The following PXDNL variants were observed in gnomAD, a reference collection of about 807,000 sequenced individuals.
PXDNL encodes peroxidasin like, also known as probable oxidoreductase PXDNL.
A neutral mutation model predicts 150.8 loss-of-function variants in PXDNL; 145 were observed. The observed-to-expected ratio is 0.96, with a 90% confidence interval of 0.84 to 1.10. The LOEUF (loss-of-function observed/expected upper bound fraction) is 1.10, where lower values mean the gene tolerates loss of function less well. Ranked by LOEUF, PXDNL falls within the 50% of genes least tolerant of loss-of-function variation. The pLI, the probability that PXDNL is intolerant of heterozygous loss-of-function variation, is 0.00. For synonymous variants in PXDNL, 757 were observed against 725.7 expected (o/e 1.04, Z -0.69); for missense variants, 2,087 against 1,873.9 (o/e 1.11, Z -2.10).
intron 1 of PXDNL, among the ~76,000 whole-genome samples, chr8:51,760,028 C>T (rs2037145037): frequency 6.6e-6 from 1 of 152,178 alleles, no homozygotes. Context: ...GGAAGAAACT[C>T]GAATTCCCTA....
chr8:51,362,988 T>A (rs1173607504), intron 19 of PXDNL, among the ~76,000 whole-genome samples: 1 of 152,176 alleles, frequency 6.6e-6, no homozygotes, highest in Non-Finnish European at 1.5e-5. Context: ...GAGTCTGGAT[T>A]CAGTGATCTG....
At chr8:51,751,007 T>C (rs1307283788) in intron 1 of PXDNL, among the ~76,000 whole-genome samples, 2 of 152,144 alleles carry the variant, frequency 1.3e-5, no homozygotes, top group East Asian at 3.9e-4. Context: ...AAATACAAAG[T>C]CTATCCAGAG....
chr8:51,587,362 A>T (rs888870334), intron 3 of PXDNL, among the ~76,000 whole-genome samples: 4 of 152,202 alleles, frequency 2.6e-5, no homozygotes, highest in Non-Finnish European at 5.9e-5. Flanking sequence ...GAATCACTAT[A>T]TCCAAAGATA....
intron 17 of PXDNL, among the ~76,000 whole-genome samples, chr8:51,377,257 G>A (rs1807351605): frequency 1.5e-5 from 1 of 67,386 alleles, no homozygotes. Context: ...TTTCCTTCTA[G>A]GGGATTTTTT....
At chr8:51,783,606 T>C (rs1175171754) in intron 1 of PXDNL, among the ~76,000 whole-genome samples, 2 of 152,164 alleles carry the variant, frequency 1.3e-5, no homozygotes, top group Non-Finnish European at 2.9e-5. Context: ...CTAAACCGTA[T>C]AAAAATAATG....
chr8:51,603,523 T>G (rs1354894379), intron 2 of PXDNL, among the ~76,000 whole-genome samples: 1 of 152,046 alleles, frequency 6.6e-6, no homozygotes, highest in African/African-American at 2.4e-5. Flanking sequence ...AACAGATGAC[T>G]TTTTGAATAT....
chr8:51,544,416 A>G (rs1179740762), intron 4 of PXDNL, among the ~76,000 whole-genome samples: 1 of 152,174 alleles, frequency 6.6e-6, no homozygotes, highest in African/African-American at 2.4e-5. Flanking sequence ...CTGCACTGAC[A>G]CAATCAATAT....
At chr8:51,673,236 G>C (rs11990577) in intron 1 of PXDNL, among the ~76,000 whole-genome samples, 4 of 152,028 alleles carry the variant, frequency 2.6e-5, no homozygotes, top group African/African-American at 7.3e-5. Flanking sequence ...TGAAAATAGC[G>C]TATCAAGCCA....
chr8:51,731,276 T>G lies in PXDNL; in HGVS notation c.165-76516A>C, dbSNP rs182168447. The stretch of plus-strand genomic sequence containing the variant: ...TGGGAGAAATTGGCCAAAACAAAGG[T>G]GTTACAGACCCCATGCAAGTCTGAA... On this transcript the variant is annotated intron_variant, in intron 1 of 22. Transcript: ENST00000356297. Among the ~76,000 whole-genome samples, 548 of 152,052 alleles carry G rather than the reference T, an allele frequency of 3.6e-3. 5 individuals are homozygous for G. The highest frequency in any genetic ancestry group is 0.013 in the African/African-American group (520 of 41,488).
chr8:51,600,603 GT>G (rs1225452470), intron 2 of PXDNL, among the ~76,000 whole-genome samples: 4 of 97,142 alleles, frequency 4.1e-5, no homozygotes, highest in Non-Finnish European at 5.9e-5. Flanking sequence ...AAATTATATC[GT>G]TTAGATAATA....
At chr8:51,402,030 C>G (rs964617767) in intron 17 of PXDNL, among the ~76,000 whole-genome samples, 4 of 151,946 alleles carry the variant, frequency 2.6e-5, no homozygotes, top group African/African-American at 9.7e-5. Flanking sequence ...CCTTTTCGGG[C>G]AAAGGAAGAC....
chr8:51,432,452 G>T (rs1366510009), intron 12 of PXDNL, among the ~76,000 whole-genome samples: 1 of 152,132 alleles, frequency 6.6e-6, no homozygotes, highest in Admixed American at 6.6e-5. Flanking sequence ...CTCTTCTAGG[G>T]TTTTGATTGG....
intron 14 of PXDNL, among the ~76,000 whole-genome samples, chr8:51,414,138 CA>C (rs1194529289): frequency 1.3e-5 from 2 of 151,498 alleles, no homozygotes; most frequent in Admixed American, 6.6e-5. Flanking sequence ...ATGTATTATC[CA>C]AAAGAACTCC....
chr8:51,459,794 A>G (rs535706490), intron 8 of PXDNL, among the ~76,000 whole-genome samples: 3 of 152,300 alleles, frequency 2.0e-5, no homozygotes, highest in African/African-American at 7.2e-5. Flanking sequence ...TTTTCCTTGA[A>G]AATGTACAAA....
intron 1 of PXDNL, among the ~76,000 whole-genome samples, chr8:51,759,924 C>T (rs904881353): frequency 2.0e-5 from 3 of 152,150 alleles, no homozygotes; most frequent in African/African-American, 4.8e-5. Context: ...TGACCTCAGC[C>T]GCCCCAAAAG....
chr8:51,348,854 G>A lies in PXDNL; in HGVS notation c.3902-2907C>T, dbSNP rs188771027. ...AACAGAAGAGACAGGGTTTAAATCC[G>A]GACAGTCAGACTCAAAAGCCATAAC... is the stretch of plus-strand genomic sequence containing the variant. On this transcript the variant is annotated intron_variant, in intron 19 of 22. Transcript: ENST00000356297. 2.0e-5 allele frequency among the ~76,000 whole-genome samples: 3 copies of A among 152,104 alleles called. No homozygotes were observed. The East Asian group carries it at 5.8e-4, about 30-fold the overall frequency.
intron 3 of PXDNL, among the ~76,000 whole-genome samples, chr8:51,587,104 CGTAA>C (rs2130643136): frequency 6.6e-6 from 1 of 152,076 alleles, no homozygotes; most frequent in African/African-American, 2.4e-5. Context: ...TATCAATGCC[CGTAA>C]GTAACAAGAT....
chr8:51,449,174 C>A, intron 10 of PXDNL, 56 bp from the exon 11 acceptor site: 5 of 944,498 alleles, frequency 5.3e-6, no homozygotes, highest in African/African-American at 1.7e-5. Flanking sequence ...ATTTTCAGTG[C>A]CAATAGAAAA....
In PXDNL at chr8:51,453,753, T is replaced by C; in HGVS notation, c.1015A>G (p.Thr339Ala). The change falls in exon 10 of 23, where the codon ACA becomes GCA. Residue 339 changes from threonine to alanine, a missense_variant. Thr to Ala is a moderately conservative substitution (Grantham distance 58, BLOSUM62 0). Coordinates refer to ENST00000356297, the MANE Select transcript of PXDNL (RefSeq NM_144651.5). ...GTGCTGGTGCCAATTAAAACCTCTGTGTCCTGAGGCTGGATTACAAAGCTT... is the reference window on the plus strand; with the variant it reads ...GTGCTGGTGCCAATTAAAACCTCTGCGTCCTGAGGCTGGATTACAAAGCTT... The part of the protein sequence containing the change: ...KPSFVIQPQD[T>A]EVLIGTSTTL... The C allele has an allele frequency of 6.2e-7, 1 of 1,614,020 alleles. No individual in the cohort carries two copies. The highest frequency in any genetic ancestry group is 8.5e-7 in the Non-Finnish European group (1 of 1,179,892).
Sources: gnomAD v4.1 joint callset for allele counts (sites outside exome capture counted in the v4.1 genomes callset) on GRCh38, gnomAD v4.1.1 for gene constraint, MANE v1.5 for transcripts, NCBI Gene and HGNC (gene_info 2026-07-23, HGNC 2026-07-21) for gene names.